Variants in DCC observed in about 807,000 individuals in gnomAD.
DCC encodes DCC netrin 1 receptor.
A neutral mutation model predicts 172.5 loss-of-function variants in DCC; 58 were observed. That is an observed-to-expected ratio of 0.34 (90% CI 0.27 to 0.42). The LOEUF is 0.42. Ranked by LOEUF, DCC falls within the 10% of genes least tolerant of loss-of-function variation. The pLI is 1.00. For missense variants in DCC, 1,740 were observed against 1,791.0 expected (o/e 0.97, Z 0.51); for synonymous variants, 709 against 644.5 (o/e 1.10, Z -1.52).
At chr18:53,000,498 C>T (rs543836047) in intron 5 of DCC, among the ~76,000 whole-genome samples, 8 of 149,916 alleles carry the variant, frequency 5.3e-5, no homozygotes, top group Non-Finnish European at 1.0e-4. Context: ...TAGGTTTTTT[C>T]GGTCTCTCCA....
At chr18:52,389,955 A>T (rs1325092337) in intron 1 of DCC, among the ~76,000 whole-genome samples, 1 of 152,096 alleles carries the variant, frequency 6.6e-6, no homozygotes, top group Non-Finnish European at 1.5e-5. Context: ...AGTTCAAACA[A>T]GGAGAGTATT....
chr18:52,413,115 T>A (rs1006986159), intron 1 of DCC, among the ~76,000 whole-genome samples: 2 of 151,818 alleles, frequency 1.3e-5, no homozygotes, highest in Non-Finnish European at 2.9e-5. Context: ...TATATGTTTT[T>A]TTTTCCTGAA....
chr18:53,037,834 T>A (rs1210035237), intron 5 of DCC, among the ~76,000 whole-genome samples: 6 of 151,934 alleles, frequency 3.9e-5, no homozygotes, highest in African/African-American at 1.4e-4. Context: ...ATGAAAACAC[T>A]TGAAAGGATT....
chr18:53,054,141 C>G lies in DCC; in HGVS notation c.986-9164C>G, dbSNP rs539850203. ...TATTTTAAATCATCTCTAGATTACT[C>G]ATACTTAATGCAGTGTAAATGCTGT... On this transcript the variant is annotated intron_variant, in intron 5 of 28. Transcript: ENST00000442544. Among the ~76,000 whole-genome samples, 80 of 152,194 alleles carry G rather than the reference C, an allele frequency of 5.3e-4. 1 individual carries two copies. In the South Asian group the frequency reaches 0.014, roughly 28 times the overall value.
At chr18:52,856,065 A>G (rs555190483) in intron 2 of DCC, among the ~76,000 whole-genome samples, 3 of 151,194 alleles carry the variant, frequency 2.0e-5, no homozygotes, top group African/African-American at 7.3e-5. Context: ...GCGCCCCGCC[A>G]TTAGAGTCTA....
At chr18:52,838,790 T>A (rs561536759) in intron 2 of DCC, among the ~76,000 whole-genome samples, 2 of 152,286 alleles carry the variant, frequency 1.3e-5, no homozygotes, top group Admixed American at 1.3e-4. Flanking sequence ...CAACAGTGAA[T>A]TTCATAGGAG....
chr18:53,281,762 A>AT (rs754969859), intron 12 of DCC, among the ~76,000 whole-genome samples: 8,555 of 115,196 alleles, frequency 0.074, 283 homozygotes, highest in Admixed American at 0.12. Flanking sequence ...TTAATGGGGG[A>AT]TTTTTTTTTT....
chr18:52,502,538 T>C (rs2031065107), intron 1 of DCC, among the ~76,000 whole-genome samples: 1 of 152,316 alleles, frequency 6.6e-6, no homozygotes, highest in South Asian at 2.1e-4. Flanking sequence ...ATTGTTATAA[T>C]GATAAGATAT....
intron 26 of DCC, among the ~76,000 whole-genome samples, chr18:53,490,669 A>G (rs1298445469): frequency 6.6e-6 from 1 of 152,188 alleles, no homozygotes; most frequent in Non-Finnish European, 1.5e-5. Flanking sequence ...TGGCAGAGCT[A>G]AATGTCATGC....
chr18:52,990,401 G>A (rs1039665766), intron 5 of DCC, among the ~76,000 whole-genome samples: 2 of 151,828 alleles, frequency 1.3e-5, no homozygotes, highest in African/African-American at 4.8e-5. Flanking sequence ...TCAGCCAGTT[G>A]TGGTGGTCCA....
intron 21 of DCC, among the ~76,000 whole-genome samples, chr18:53,420,378 G>A (rs539061141): frequency 3.0e-4 from 46 of 152,262 alleles, no homozygotes; most frequent in South Asian, 8.3e-4. Flanking sequence ...TGGCAACAGC[G>A]CTGATTACAT....
intron 5 of DCC, among the ~76,000 whole-genome samples, chr18:53,009,171 A>G (rs1006490938): frequency 8.6e-5 from 13 of 151,910 alleles, no homozygotes; most frequent in African/African-American, 2.9e-4. Context: ...TGTTGATCCT[A>G]TGTATTGAAG....
chr18:53,517,691 G>A (rs1235803774), intron 27 of DCC, among the ~76,000 whole-genome samples: 7 of 152,106 alleles, frequency 4.6e-5, no homozygotes, highest in East Asian at 1.9e-4. Flanking sequence ...TCATCAGCAC[G>A]TCCCCAGTGG....
intron 2 of DCC, among the ~76,000 whole-genome samples, chr18:52,884,794 T>C (rs567093482): frequency 6.6e-6 from 1 of 152,296 alleles, no homozygotes; most frequent in Non-Finnish European, 1.5e-5. Flanking sequence ...GAGTTAGGCA[T>C]TTATTTTAGT....
At chr18:52,643,911 C>G (rs2034959482) in intron 1 of DCC, among the ~76,000 whole-genome samples, 1 of 151,684 alleles carries the variant, frequency 6.6e-6, no homozygotes, top group South Asian at 2.1e-4. Flanking sequence ...TGTGCCAAAA[C>G]AGAGAAAATA....
At chr18:52,512,442 A>G (rs1037530) in intron 1 of DCC, among the ~76,000 whole-genome samples, 111,467 of 152,106 alleles carry the variant, frequency 0.73, 41,330 homozygotes, top group South Asian at 0.86. Flanking sequence ...CTTCTCGCCC[A>G]CTGAAGTTCT....
intron 25 of DCC, among the ~76,000 whole-genome samples, chr18:53,471,317 T>C (rs1290961796): frequency 1.3e-5 from 2 of 152,222 alleles, no homozygotes; most frequent in Non-Finnish European, 2.9e-5. Flanking sequence ...AATCCAATTA[T>C]ACTCTTAGTT....
At chr18:52,459,454 G>C in intron 1 of DCC, among the ~76,000 whole-genome samples, 1 of 141,292 alleles carries the variant, frequency 7.1e-6, no homozygotes, top group Middle Eastern at 3.4e-3. Flanking sequence ...TGCAGTATTT[G>C]GTTTTCTTTC....
chr18:52,523,514 T>C (rs1473972636), intron 1 of DCC, among the ~76,000 whole-genome samples: 1 of 152,162 alleles, frequency 6.6e-6, no homozygotes, highest in Admixed American at 6.6e-5. Flanking sequence ...TCAAAAAATA[T>C]AGAAACATAA....
Sources: gnomAD v4.1 joint callset for allele counts (sites outside exome capture counted in the v4.1 genomes callset) on GRCh38, gnomAD v4.1.1 for gene constraint, MANE v1.5 for transcripts, NCBI Gene and HGNC (gene_info 2026-07-23, HGNC 2026-07-21) for gene names.